The following KIF11 variants were observed in gnomAD, a reference collection of about 807,000 sequenced individuals.
KIF11 encodes kinesin-like protein KIF11.
Under a neutral mutation model 121.0 loss-of-function variants are expected in KIF11, and 9 were observed. The observed-to-expected ratio is 0.07, with a 90% CI of 0.04 to 0.13. The LOEUF (loss-of-function observed/expected upper bound fraction) is 0.13. KIF11 is among the 10% of genes least tolerant of loss of function. The pLI is 1.00. For synonymous variants in KIF11, 408 were observed against 421.0 expected (o/e 0.97, Z 0.38); for missense variants, 846 against 1,217.5 (o/e 0.69, Z 4.54).
chr10:92,621,598 G>T (rs1218242035), intron 10 of KIF11, 125 bp downstream of exon 10: 2 of 496,308 alleles, frequency 4.0e-6, no homozygotes, highest in Non-Finnish European at 7.3e-6. Flanking sequence ...ACTTCATTTT[G>T]TGTGTGTGTG....
chr10:92,596,094 C>T (rs979491866), intron 1 of KIF11, among the ~76,000 whole-genome samples: 2 of 152,168 alleles, frequency 1.3e-5, no homozygotes, highest in Middle Eastern at 3.2e-3. Flanking sequence ...AGCTCCATCT[C>T]CCGGGTTCAC....
intron 6 of KIF11, among the ~76,000 whole-genome samples, chr10:92,610,850 T>A (rs988222039): frequency 6.6e-6 from 1 of 152,166 alleles, no homozygotes. Flanking sequence ...GATCATGGAA[T>A]TTTGGATGAT....
At chr10:92,619,042 A>C (rs1844591450) in intron 9 of KIF11, among the ~76,000 whole-genome samples, 1 of 151,972 alleles carries the variant, frequency 6.6e-6, no homozygotes, top group African/African-American at 2.4e-5. Context: ...TTTGAGATGG[A>C]GTCTCACTCT....
intron 9 of KIF11, among the ~76,000 whole-genome samples, chr10:92,618,101 T>C (rs1214365206): frequency 6.6e-6 from 1 of 152,164 alleles, no homozygotes; most frequent in Non-Finnish European, 1.5e-5. Context: ...TTCTTGTGCT[T>C]ATTATCTATT....
At position 92,650,529 on chromosome 10, in the gene KIF11, C is replaced by G. The variant is rs1564718830; in HGVS notation, c.3039+12C>G. 1.5e-6 allele frequency: 2 copies of G among 1,358,396 alleles called. No homozygotes were observed. The highest frequency in any genetic ancestry group is 2.1e-6 in the Non-Finnish European group (2 of 946,936). 84.1% of individuals were successfully genotyped at this position (1,358,396 alleles called of 1,614,324 possible). On this transcript the variant is annotated intron_variant, in intron 21 of 21. Transcript: ENST00000260731. ...TTCCATTTTTCCAGGTATGTCATAT[C>G]AGATAACCCTTCCACATCTGATGTA...
chr10:92,646,948 A>G (rs1473430588), intron 18 of KIF11, among the ~76,000 whole-genome samples: 1 of 152,190 alleles, frequency 6.6e-6, no homozygotes, highest in African/African-American at 2.4e-5. Context: ...CCAGTATGCA[A>G]CTCTTAATAA....
At chr10:92,616,292 GC>G (rs1344536523) in intron 8 of KIF11, among the ~76,000 whole-genome samples, 2 of 151,630 alleles carry the variant, frequency 1.3e-5, no homozygotes. Context: ...CAACCTCCTG[GC>G]CTTAAGTGAT....
chr10:92,654,273 TAA>T lies in KIF11; in HGVS notation c.*479_*480del, dbSNP rs879643422. 1.3e-5 allele frequency: 2 copies of T among 152,474 alleles called. No individual in the cohort carries two copies. Among genetic ancestry groups the T allele is most frequent in the Non-Finnish European group, 2.9e-5 (2 of 68,192 alleles). 9.4% of individuals were successfully genotyped at this position (152,474 alleles called of 1,614,324 possible). ...GTCATCCCTATAGTTCACTTTGTAT[TAA>T]ATTGGGTTTCATTTGGGATTTGCAA... On this transcript the variant is annotated 3_prime_UTR_variant, in exon 22 of 22. Transcript: ENST00000260731.
chr10:92,598,308 G>T (rs1422289586), intron 1 of KIF11, among the ~76,000 whole-genome samples: 1 of 152,082 alleles, frequency 6.6e-6, no homozygotes, highest in African/African-American at 2.4e-5. Context: ...TCATTCTTTT[G>T]CATATGGATA....
intron 21 of KIF11, among the ~76,000 whole-genome samples, chr10:92,651,111 C>T (rs996510645): frequency 2.6e-5 from 4 of 152,064 alleles, no homozygotes; most frequent in Non-Finnish European, 5.9e-5. Flanking sequence ...ACTTAACCTC[C>T]GCCTCCTGAG....
chr10:92,611,218 T>C (rs1052112279), intron 6 of KIF11, among the ~76,000 whole-genome samples: 1 of 151,852 alleles, frequency 6.6e-6, no homozygotes, highest in African/African-American at 2.4e-5. Context: ...TTATTATTAT[T>C]ATTATTATTT....
Position 92,651,507 on chromosome 10 carries a change from G to GTATTTTTTCT in KIF11, c.3039+991_3039+992insATTTTTTCTT, listed in dbSNP as rs1554863366. Among the ~76,000 whole-genome samples, 51 of 52,974 alleles carry GTATTTTTTCT rather than the reference G, an allele frequency of 9.6e-4. 1 individual carries two copies. The highest frequency in any genetic ancestry group is 3.7e-3 in the East Asian group (4 of 1,084). 34.8% of individuals were successfully genotyped at this position (52,974 alleles called of 152,430 possible). A position where few individuals can be genotyped will look rare whatever the true frequency, so the allele number is the denominator to read the frequency against. ...TGTGCCACCATGCCTGGCTAATTTTGTTTTTTTTTTTTTTTTTTTTTTTTT... is the reference window on the plus strand; with the variant it reads ...TGTGCCACCATGCCTGGCTAATTTTGTATTTTTTCTTTTTTTTTTTTTTTTTTTTTTTTTT... On this transcript the variant is annotated intron_variant, in intron 21 of 21. Transcript: ENST00000260731.
chr10:92,606,603 T>A lies in KIF11; in HGVS notation c.211-16T>A, dbSNP rs756032812. 60 of 1,453,712 alleles carry A rather than the reference T, an allele frequency of 4.1e-5. No individual in the cohort carries two copies. Among genetic ancestry groups the A allele is most frequent in the Non-Finnish European group, 5.1e-5 (54 of 1,062,232 alleles). The allele number at this position is 1,453,712 out of a possible 1,614,324, so 90.1% of individuals were successfully genotyped here. A position where few individuals can be genotyped will look rare whatever the true frequency, so the allele number is the denominator to read the frequency against. ...ATTTTGAGGTTGATTTTTTTTTTTT[T>A]AATTTTTTTCGTTAGGTGTTTGGAG... On this transcript the variant is annotated splice_polypyrimidine_tract_variant and intron_variant, in intron 2 of 21. Coordinates refer to ENST00000260731, the MANE Select transcript of KIF11 (RefSeq NM_004523.4).
intron 6 of KIF11, 144 bp downstream of exon 6, chr10:92,609,653 C>A: frequency 1.5e-6 from 1 of 662,916 alleles, no homozygotes; most frequent in Non-Finnish European, 2.5e-6. Flanking sequence ...TGGTAATTGG[C>A]TTGAGATTTA....
In KIF11 at chr10:92,636,592, G is replaced by A. The variant is rs139033647; in HGVS notation, c.1876-592G>A. ...GATCACGCCATTGCACTCCAGCCTG[G>A]GCCACGAGAGTGAAACTATATCTCA... is the stretch of plus-strand genomic sequence containing the variant. On this transcript the variant is annotated intron_variant, in intron 14 of 21. Transcript: ENST00000260731. Among the ~76,000 whole-genome samples, 778 of 151,622 alleles carry A rather than the reference G, an allele frequency of 5.1e-3. 4 individuals carry two copies. Among genetic ancestry groups the A allele is most frequent in the African/African-American group, 0.018 (748 of 41,322 alleles).
chr10:92,615,646 G>A lies in KIF11; in HGVS notation c.1033-1091G>A, dbSNP rs77516908. Among the ~76,000 whole-genome samples the A allele has an allele frequency of 8.0e-3, 1,217 of 151,976 alleles. 12 individuals carry two copies. The highest frequency in any genetic ancestry group is 0.027 in the African/African-American group (1,119 of 41,452). On this transcript the variant is annotated intron_variant, in intron 8 of 21. Transcript: ENST00000260731. ...CTTTTCCATTTGCCCCACTCCCATC[G>A]CTACTGCTTTTTGCATCTATATATT...
chr10:92,642,985 C>A (rs536847536), intron 17 of KIF11, among the ~76,000 whole-genome samples: 51 of 152,312 alleles, frequency 3.3e-4, no homozygotes, highest in African/African-American at 1.2e-3. Flanking sequence ...AATCTTGGCT[C>A]ACTGCAACCT....
At chr10:92,636,212 A>G (rs1029386993) in intron 14 of KIF11, among the ~76,000 whole-genome samples, 1 of 152,202 alleles carries the variant, frequency 6.6e-6, no homozygotes, top group Non-Finnish European at 1.5e-5. Flanking sequence ...CTTGTTTGAA[A>G]TTTATTTTCT....
chr10:92,614,074 G>C (rs1450489208), intron 8 of KIF11, among the ~76,000 whole-genome samples: 1 of 133,566 alleles, frequency 7.5e-6, no homozygotes, highest in African/African-American at 3.1e-5. Flanking sequence ...ACATATAGTA[G>C]GGAAAAAAAG....
Sources: allele counts gnomAD v4.1 joint callset (sites outside exome capture counted in the v4.1 genomes callset), GRCh38; gene constraint gnomAD v4.1.1; transcripts MANE v1.5; gene names NCBI Gene and HGNC (gene_info 2026-07-23, HGNC 2026-07-21).